The following ASMTL variants were observed in gnomAD, a reference collection of about 807,000 sequenced individuals.
The protein encoded by ASMTL is acetylserotonin O-methyltransferase like, also known as probable bifunctional dTTP/UTP pyrophosphatase/methyltransferase protein.
ASMTL carries 57 observed loss-of-function variants against 60.3 expected under a neutral mutation model. That is an observed-to-expected ratio of 0.95 (90% CI 0.76 to 1.18). ASMTL has a LOEUF of 1.18. ASMTL is among the 50% of genes most tolerant of loss of function. ASMTL has a pLI of 0.00. For missense variants in ASMTL, 981 were observed against 852.6 expected (o/e 1.15, Z -1.88); for synonymous variants, 419 against 373.0 (o/e 1.12, Z -1.42).
At chrX:1,430,987 C>T (rs1197797529) in intron 6 of ASMTL, among the ~76,000 whole-genome samples, 1 of 136,132 alleles carries the variant, frequency 7.3e-6, no homozygotes, top group Non-Finnish European at 1.5e-5. Flanking sequence ...TACATATAAT[C>T]ACACTTTATA....
chrX:1,447,612 C>T (rs1223671320), intron 1 of ASMTL, among the ~76,000 whole-genome samples: 36 of 148,364 alleles, frequency 2.4e-4, no homozygotes, highest in African/African-American at 7.9e-4. Context: ...GGACACACAC[C>T]GCCATCTTGG....
rs1488194109 is a variant in ASMTL, at chrX:1,435,763, G to C, written c.274-5C>G. On this transcript the variant is annotated splice_polypyrimidine_tract_variant and splice_region_variant and intron_variant, in intron 3 of 12. Transcript: ENST00000381317. ...CAGAATCAGCCCCCCGACTGTCTGT[G>C]AGAGGAAGGGACAGAGGGAGTTGGT... 2.5e-6 allele frequency: 4 copies of C among 1,613,136 alleles called. No individual in the cohort carries two copies. In the African/African-American group the frequency reaches 5.3e-5, roughly 22 times the overall value.
At chrX:1,436,458 T>G (rs762666234) in intron 3 of ASMTL, among the ~76,000 whole-genome samples, 1 of 152,292 alleles carries the variant, frequency 6.6e-6, no homozygotes, top group South Asian at 2.1e-4. Context: ...GTTCACGCCA[T>G]TCTCCTGCCT....
chrX:1,437,678 A>G (rs2091004664), intron 3 of ASMTL, among the ~76,000 whole-genome samples: 1 of 151,950 alleles, frequency 6.6e-6, no homozygotes, highest in Non-Finnish European at 1.5e-5. Flanking sequence ...CGGGTGGATC[A>G]CAAGGTCAGG....
intron 3 of ASMTL, 112 bp downstream of exon 3, chrX:1,438,985 G>C (rs2091042192): frequency 8.4e-7 from 1 of 1,184,322 alleles, no homozygotes; most frequent in African/African-American, 1.5e-5. Flanking sequence ...GTTTCTGGAA[G>C]CGAGTCCACT....
intron 11 of ASMTL, among the ~76,000 whole-genome samples, chrX:1,415,180 A>T (rs1390055971): frequency 4.8e-5 from 2 of 41,532 alleles, no homozygotes; most frequent in Non-Finnish European, 1.3e-4. Flanking sequence ...ACCTCAGGTG[A>T]TCCACCCGCC....
At chrX:1,431,555 ATAT>A (rs1351895696) in intron 6 of ASMTL, among the ~76,000 whole-genome samples, 4 of 143,966 alleles carry the variant, frequency 2.8e-5, no homozygotes, top group Non-Finnish European at 6.0e-5. Flanking sequence ...TATATAATCT[ATAT>A]TATAATATCT....
At chrX:1,425,724 C>T (rs1285688173) in intron 7 of ASMTL, 37 bp from the exon 8 acceptor site, 2 of 1,602,210 alleles carry the variant, frequency 1.2e-6, no homozygotes, top group African/African-American at 1.3e-5. Context: ...CATTAAGTCC[C>T]TTGTCCAGTA....
In ASMTL at chrX:1,414,477, A is replaced by C. The variant is rs186226588; in HGVS notation, c.1523-1623T>G. On this transcript the variant is annotated intron_variant, in intron 11 of 12. Coordinates refer to ENST00000381317, the MANE Select transcript of ASMTL (RefSeq NM_004192.4). ...AATCCCAGCACTTTGGGAGGCCAAG[A>C]CGGGTGGATGACCTGAGGTGAGGAG... 2.1e-3 allele frequency among the ~76,000 whole-genome samples: 326 copies of C among 152,182 alleles called. 6 individuals carry two copies. Among genetic ancestry groups the C allele is most frequent in the Non-Finnish European group, 2.4e-4 (16 of 68,006 alleles).
intron 9 of ASMTL, 118 bp from the exon 10 acceptor site, chrX:1,419,232 C>A: frequency 8.5e-7 from 1 of 1,179,478 alleles, no homozygotes; most frequent in Non-Finnish European, 1.2e-6. Context: ...CTCAGCCGCG[C>A]CTGGGCTGCA....
At chrX:1,407,259 G>T (rs1377946098) in intron 12 of ASMTL, among the ~76,000 whole-genome samples, 1 of 151,586 alleles carries the variant, frequency 6.6e-6, no homozygotes, top group Non-Finnish European at 1.5e-5. Flanking sequence ...TGGATGGATA[G>T]ATGGATGCAT....
intron 7 of ASMTL, among the ~76,000 whole-genome samples, chrX:1,426,137 T>G (rs1180259462): frequency 1.3e-5 from 2 of 151,990 alleles, no homozygotes; most frequent in African/African-American, 4.8e-5. Context: ...GGGACGACCC[T>G]GTGAGGACAC....
At chrX:1,417,692 C>T (rs761029416) in intron 11 of ASMTL, among the ~76,000 whole-genome samples, 2 of 151,314 alleles carry the variant, frequency 1.3e-5, no homozygotes, top group Non-Finnish European at 2.9e-5. Flanking sequence ...CAACCACACA[C>T]CAGAGACGTG....
chrX:1,452,547 T>G (rs1417273861), intron 1 of ASMTL, among the ~76,000 whole-genome samples: 2 of 141,562 alleles, frequency 1.4e-5, no homozygotes, highest in African/African-American at 2.7e-5. Context: ...CGGGTTACTC[T>G]CCCCTCCCCC....
intron 9 of ASMTL, among the ~76,000 whole-genome samples, chrX:1,419,988 CTCTCTGTTTCTGTCTCCTG>C (rs1569532582): frequency 6.6e-6 from 1 of 151,962 alleles, no homozygotes; most frequent in African/African-American, 2.4e-5. Context: ...CTCTTTCTCT[CTCTCTGTTTCTGTCTCCTG>C]TCTCTGTTTC....
intron 12 of ASMTL, among the ~76,000 whole-genome samples, chrX:1,406,220 G>C (rs1275056955): frequency 3.4e-5 from 5 of 148,474 alleles, no homozygotes; most frequent in African/African-American, 1.0e-4. Flanking sequence ...GGATGGATGG[G>C]TGAATAGATG....
At chrX:1,419,408 T>A (rs1206986009) in intron 9 of ASMTL, among the ~76,000 whole-genome samples, 1 of 152,114 alleles carries the variant, frequency 6.6e-6, no homozygotes, top group Non-Finnish European at 1.5e-5. Context: ...CTTTTCACAA[T>A]AAAGCTTTTC....
chrX:1,443,312 A>G (rs868351892), intron 1 of ASMTL, among the ~76,000 whole-genome samples: 1,302 of 49,812 alleles, frequency 0.026, 147 homozygotes, highest in African/African-American at 0.039. Context: ...TTGGACACAC[A>G]CCGCCATCTT....
rs1209930156 is a variant in ASMTL at position 1,413,525 on chromosome X, G to A, written c.1523-671C>T. ...GCGCCCCAGGAGGGTTGCCTGTTGC[G>A]GGGGGCGCATGTAGCTGCACGCCCC... is the stretch of plus-strand genomic sequence containing the variant. On this transcript the variant is annotated intron_variant, in intron 11 of 12. Coordinates refer to ENST00000381317, the MANE Select transcript of ASMTL (RefSeq NM_004192.4). Among the ~76,000 whole-genome samples the A allele has an allele frequency of 3.9e-5, 6 of 152,288 alleles. No homozygotes were observed. In the South Asian group the frequency reaches 6.2e-4, roughly 16 times the overall value.
Sources: allele counts gnomAD v4.1 joint callset (sites outside exome capture counted in the v4.1 genomes callset), GRCh38; gene constraint gnomAD v4.1.1; transcripts MANE v1.5; gene names NCBI Gene and HGNC (gene_info 2026-07-23, HGNC 2026-07-21).